The following HS3ST4 variants were observed in gnomAD, a reference collection of about 807,000 sequenced individuals.
HS3ST4 encodes heparan sulfate glucosamine 3-O-sulfotransferase 4.
In HS3ST4, 17 loss-of-function variants were observed where a neutral mutation model predicts 29.2. The ratio of observed to expected loss-of-function variants is 0.58; its 90% CI spans 0.40 to 0.87. HS3ST4 has a LOEUF of 0.87. Among genes scored for constraint, HS3ST4 ranks in the 40% least tolerant of loss-of-function variants. HS3ST4 has a pLI of 0.00. For missense variants in HS3ST4, 627 were observed against 634.5 expected (o/e 0.99, Z 0.13); for synonymous variants, 314 against 285.7 (o/e 1.10, Z -1.00).
chr16:25,794,609 G>T (rs1010616196), intron 1 of HS3ST4, among the ~76,000 whole-genome samples: 1 of 151,452 alleles, frequency 6.6e-6, no homozygotes, highest in Non-Finnish European at 1.5e-5. Context: ...TCTAATTTTT[G>T]CTCCTTTGAC....
intron 1 of HS3ST4, among the ~76,000 whole-genome samples, chr16:25,931,762 A>C (rs1968466193): frequency 6.6e-6 from 1 of 152,222 alleles, no homozygotes. Flanking sequence ...AATTCGTTTA[A>C]GTCCTTTGGT....
chr16:25,908,612 C>G (rs2141676997), intron 1 of HS3ST4, among the ~76,000 whole-genome samples: 2 of 152,292 alleles, frequency 1.3e-5, no homozygotes, highest in South Asian at 4.1e-4. Context: ...GCTGGGGCAT[C>G]AGGAATGAGC....
At chr16:25,756,566 C>G (rs1966760019) in intron 1 of HS3ST4, among the ~76,000 whole-genome samples, 1 of 152,166 alleles carries the variant, frequency 6.6e-6, no homozygotes, top group Non-Finnish European at 1.5e-5. Flanking sequence ...GCTCTGATTT[C>G]ACTCCAAAGA....
chr16:25,714,403 A>G (rs1423530485), intron 1 of HS3ST4, among the ~76,000 whole-genome samples: 1 of 152,168 alleles, frequency 6.6e-6, no homozygotes, highest in African/African-American at 2.4e-5. Context: ...ATCCAGAGTG[A>G]ACACGGCTGC....
intron 1 of HS3ST4, among the ~76,000 whole-genome samples, chr16:25,915,938 G>A (rs1404785931): frequency 6.6e-6 from 1 of 152,144 alleles, no homozygotes; most frequent in African/African-American, 2.4e-5. Flanking sequence ...GCATGTTAAG[G>A]GCTTAGCTGG....
chr16:25,798,239 G>A (rs1160664135), intron 1 of HS3ST4, among the ~76,000 whole-genome samples: 1 of 152,194 alleles, frequency 6.6e-6, no homozygotes, highest in Admixed American at 6.5e-5. Context: ...TGGGTCTTGA[G>A]TATGAAAGCC....
intron 1 of HS3ST4, among the ~76,000 whole-genome samples, chr16:25,903,369 A>AGATATGTATATGTATATCT (rs1968141465): frequency 6.8e-6 from 1 of 146,878 alleles, no homozygotes; most frequent in African/African-American, 2.5e-5. Flanking sequence ...TATATCTTAT[A>AGATATGTATATGTATATCT]TATATATATA....
At chr16:26,057,218 C>T (rs1325321558) in intron 1 of HS3ST4, among the ~76,000 whole-genome samples, 2 of 152,180 alleles carry the variant, frequency 1.3e-5, no homozygotes, top group African/African-American at 4.8e-5. Context: ...CTCAACCTGC[C>T]CTTGATAGGT....
chr16:25,930,081 T>C (rs4468628), intron 1 of HS3ST4, among the ~76,000 whole-genome samples: 43,596 of 152,162 alleles, frequency 0.29, 7,151 homozygotes, highest in African/African-American at 0.43. Flanking sequence ...CTGTGTGAGT[T>C]TGCTGAGGAT....
intron 1 of HS3ST4, among the ~76,000 whole-genome samples, chr16:25,838,704 T>A (rs1181125069): frequency 1.3e-5 from 2 of 152,200 alleles, no homozygotes; most frequent in African/African-American, 4.8e-5. Context: ...TAACTGGGTT[T>A]GCGTCCTTCC....
intron 1 of HS3ST4, among the ~76,000 whole-genome samples, chr16:26,036,748 A>G (rs1969586896): frequency 6.6e-6 from 1 of 152,232 alleles, no homozygotes; most frequent in African/African-American, 2.4e-5. Flanking sequence ...TGTGGCATAT[A>G]AAATTCTTTG....
intron 1 of HS3ST4, among the ~76,000 whole-genome samples, chr16:25,804,211 G>C (rs907098350): frequency 6.6e-6 from 1 of 152,130 alleles, no homozygotes; most frequent in African/African-American, 2.4e-5. Context: ...AGGATTTCTA[G>C]TTTGTAATTT....
chr16:25,844,666 C>G (rs1177048826), intron 1 of HS3ST4, among the ~76,000 whole-genome samples: 1 of 152,096 alleles, frequency 6.6e-6, no homozygotes, highest in African/African-American at 2.4e-5. Flanking sequence ...GATCTAGAAC[C>G]AGAAATACCA....
chr16:25,932,873 G>C (rs1302275579), intron 1 of HS3ST4, among the ~76,000 whole-genome samples: 2 of 152,216 alleles, frequency 1.3e-5, no homozygotes, highest in Admixed American at 1.3e-4. Context: ...TTTCCAGACA[G>C]GGAAGGTGAA....
chr16:25,835,165 CATTA>C (rs1967345021), intron 1 of HS3ST4, among the ~76,000 whole-genome samples: 1 of 152,154 alleles, frequency 6.6e-6, no homozygotes, highest in Non-Finnish European at 1.5e-5. Flanking sequence ...AATGTATCAT[CATTA>C]ATTAATTTTA....
intron 1 of HS3ST4, among the ~76,000 whole-genome samples, chr16:26,068,156 T>C (rs756165723): frequency 2.0e-5 from 3 of 152,240 alleles, no homozygotes; most frequent in Non-Finnish European, 4.4e-5. Flanking sequence ...TCAACATGTA[T>C]GCCAAAGGTG....
intron 1 of HS3ST4, among the ~76,000 whole-genome samples, chr16:25,781,086 C>G (rs1966852156): frequency 1.3e-5 from 2 of 152,154 alleles, no homozygotes; most frequent in African/African-American, 4.8e-5. Context: ...ACATACAGGG[C>G]AGCTTGTTGT....
intron 1 of HS3ST4, among the ~76,000 whole-genome samples, chr16:25,787,483 A>T (rs1286261530): frequency 2.6e-5 from 4 of 152,206 alleles, no homozygotes; most frequent in Non-Finnish European, 5.9e-5. Context: ...CCATTACAAC[A>T]TACCTGCCTG....
chr16:25,807,719 A>C (rs941835119), intron 1 of HS3ST4, among the ~76,000 whole-genome samples: 1 of 152,204 alleles, frequency 6.6e-6, no homozygotes, highest in Non-Finnish European at 1.5e-5. Context: ...TTCTAAGAAA[A>C]TGTCAAACAT....
Sources: gnomAD v4.1 joint callset for allele counts (sites outside exome capture counted in the v4.1 genomes callset) on GRCh38, gnomAD v4.1.1 for gene constraint, MANE v1.5 for transcripts, NCBI Gene and HGNC (gene_info 2026-07-23, HGNC 2026-07-21) for gene names.